PRKAR1B: variants seen among roughly 807,000 people sequenced by gnomAD.
PRKAR1B encodes cAMP-dependent protein kinase type I-beta regulatory subunit.
PRKAR1B carries 22 observed loss-of-function variants against 46.5 expected under a neutral mutation model. The observed-to-expected ratio is 0.47, with a 90% CI of 0.34 to 0.68. The LOEUF (loss-of-function observed/expected upper bound fraction) is 0.68, where lower values mean the gene tolerates loss of function less well. Ranked by LOEUF, PRKAR1B falls within the 30% of genes least tolerant of loss-of-function variation. The pLI is 0.01. For missense variants in PRKAR1B, 445 were observed against 535.6 expected (o/e 0.83, Z 1.67); for synonymous variants, 259 against 217.7 (o/e 1.19, Z -1.67).
At chr7:703,810 AT>A (rs1305507519) in intron 2 of PRKAR1B, among the ~76,000 whole-genome samples, 2 of 152,200 alleles carry the variant, frequency 1.3e-5, no homozygotes, top group African/African-American at 4.8e-5. Flanking sequence ...GATAAAGCAT[AT>A]GATCAGCCAT....
At chr7:587,615 T>G (rs1018069034) in intron 7 of PRKAR1B, among the ~76,000 whole-genome samples, 1 of 152,072 alleles carries the variant, frequency 6.6e-6, no homozygotes, top group African/African-American at 2.4e-5. Context: ...CCCCATCACA[T>G]GGGAAAATGA....
At chr7:568,876 G>T (rs1020371010) in intron 9 of PRKAR1B, among the ~76,000 whole-genome samples, 1 of 152,108 alleles carries the variant, frequency 6.6e-6, no homozygotes, top group Non-Finnish European at 1.5e-5. Flanking sequence ...CTGCGCGGCG[G>T]TGCCCCGAGA....
chr7:558,138 A>AC (rs1207471939), intron 9 of PRKAR1B, among the ~76,000 whole-genome samples: 3 of 149,938 alleles, frequency 2.0e-5, no homozygotes, highest in African/African-American at 7.4e-5. Context: ...ACATAGTGAG[A>AC]CCCCATCTCT....
chr7:665,048 C>G lies in PRKAR1B; in HGVS notation c.440+12181G>C, dbSNP rs114862275. Among the ~76,000 whole-genome samples, 1,087 of 152,240 alleles carry G rather than the reference C, an allele frequency of 7.1e-3. 9 individuals are homozygous for G. The highest frequency in any genetic ancestry group is 0.025 in the African/African-American group (1,037 of 41,526). On this transcript the variant is annotated intron_variant, in intron 4 of 10. Transcript: ENST00000537384. ...CTCTCCACTCACAAATCAGACAAAG[C>G]AAGAGGGCTTGTTGTCACTGTGGTA...
At chr7:716,035 T>A (rs201476019) in intron 1 of PRKAR1B, among the ~76,000 whole-genome samples, 2,944 of 82,418 alleles carry the variant, frequency 0.036, 55 homozygotes, top group Middle Eastern at 0.083. Flanking sequence ...CTTTATATAT[T>A]TTTTTTTTTA....
intron 6 of PRKAR1B, among the ~76,000 whole-genome samples, chr7:599,852 G>A (rs9769855): frequency 7.0e-6 from 1 of 142,636 alleles, no homozygotes; most frequent in African/African-American, 2.7e-5. Flanking sequence ...AGGGGTGCCA[G>A]GAGCTGGGGG....
At chr7:629,134 C>G (rs566317135) in intron 4 of PRKAR1B, among the ~76,000 whole-genome samples, 1 of 152,250 alleles carries the variant, frequency 6.6e-6, no homozygotes, top group Admixed American at 6.5e-5. Flanking sequence ...GCCATCACCT[C>G]CCAGGACAGG....
At chr7:717,275 G>C (rs557539184) in intron 1 of PRKAR1B, among the ~76,000 whole-genome samples, 1 of 150,002 alleles carries the variant, frequency 6.7e-6, no homozygotes. Context: ...GGCAACAGGA[G>C]TGAAACCCAG....
intron 7 of PRKAR1B, among the ~76,000 whole-genome samples, chr7:594,395 G>C (rs1432612018): frequency 6.6e-6 from 1 of 152,158 alleles, no homozygotes; most frequent in Non-Finnish European, 1.5e-5. Context: ...CCGAAGGAGA[G>C]GGCTCGGAGC....
chr7:663,623 G>A (rs969342590), intron 4 of PRKAR1B, among the ~76,000 whole-genome samples: 2 of 152,132 alleles, frequency 1.3e-5, no homozygotes, highest in African/African-American at 4.8e-5. Flanking sequence ...CAGGGTCCTG[G>A]CCCTACACAG....
intron 2 of PRKAR1B, among the ~76,000 whole-genome samples, chr7:705,173 T>G (rs953487462): frequency 6.6e-6 from 1 of 151,802 alleles, no homozygotes; most frequent in Non-Finnish European, 1.5e-5. Flanking sequence ...ATGCCTGTAA[T>G]CCTAGCTATC....
intron 7 of PRKAR1B, among the ~76,000 whole-genome samples, chr7:592,614 G>C (rs372802486): frequency 1.3e-5 from 2 of 152,236 alleles, no homozygotes; most frequent in African/African-American, 4.8e-5. Flanking sequence ...TTCCAAGGGG[G>C]TCTTGGGCTC....
intron 2 of PRKAR1B, among the ~76,000 whole-genome samples, chr7:710,550 A>G (rs962446332): frequency 6.6e-6 from 1 of 152,026 alleles, no homozygotes; most frequent in African/African-American, 2.4e-5. Flanking sequence ...ACACGTGCCG[A>G]AGGGTACTTT....
At chr7:555,618 C>T (rs1778380025) in intron 9 of PRKAR1B, among the ~76,000 whole-genome samples, 1 of 152,186 alleles carries the variant, frequency 6.6e-6, no homozygotes, top group Non-Finnish European at 1.5e-5. Context: ...ACTGTCTGGG[C>T]AGCTGCTGCA....
chr7:665,877 G>A (rs2128498521), intron 4 of PRKAR1B, among the ~76,000 whole-genome samples: 1 of 152,330 alleles, frequency 6.6e-6, no homozygotes, highest in South Asian at 2.1e-4. Flanking sequence ...ATACGCGGGT[G>A]GGAGGAAGAG....
At chr7:647,819 A>C (rs1473332920) in intron 4 of PRKAR1B, among the ~76,000 whole-genome samples, 9 of 150,742 alleles carry the variant, frequency 6.0e-5, no homozygotes, top group African/African-American at 2.0e-4. Flanking sequence ...AAAAAAAAAA[A>C]AAAAAAAAAA....
chr7:606,994 C>T lies in PRKAR1B; in HGVS notation c.502+397G>A, dbSNP rs542431116. On this transcript the variant is annotated intron_variant, in intron 5 of 10. Coordinates refer to ENST00000537384, the MANE Select transcript of PRKAR1B (RefSeq NM_001164760.2). The stretch of plus-strand genomic sequence containing the variant: ...CATATTATATGTGTGTATGTATGTA[C>T]AAGTCTATATATATCCTTTTGAAAT... 2.5e-4 allele frequency among the ~76,000 whole-genome samples: 38 copies of T among 152,076 alleles called. No homozygotes were observed. In the Middle Eastern group the frequency reaches 0.01, roughly 41 times the overall value.
intron 2 of PRKAR1B, among the ~76,000 whole-genome samples, chr7:684,137 CCCA>C (rs1292923872): frequency 2.5e-4 from 38 of 150,716 alleles, no homozygotes. Flanking sequence ...TGTGCTGATG[CCCA>C]CCTCTGTGTA....
At chr7:678,683 G>A (rs1300134850) in intron 3 of PRKAR1B, among the ~76,000 whole-genome samples, 2 of 152,258 alleles carry the variant, frequency 1.3e-5, no homozygotes, top group African/African-American at 2.4e-5. Flanking sequence ...TGCGGACCAC[G>A]CAGGCTTAGG....
Sources: allele counts gnomAD v4.1 joint callset (sites outside exome capture counted in the v4.1 genomes callset), GRCh38; gene constraint gnomAD v4.1.1; transcripts MANE v1.5; gene names NCBI Gene and HGNC (gene_info 2026-07-23, HGNC 2026-07-21).